The following MYO18B variants were observed in gnomAD, a reference collection of about 807,000 sequenced individuals.
The protein encoded by MYO18B is myosin XVIIIB.
MYO18B carries 204 observed loss-of-function variants against 273.0 expected under a neutral mutation model. The observed-to-expected ratio is 0.75, with a 90% CI of 0.67 to 0.84. MYO18B has a LOEUF of 0.84. MYO18B is among the 40% of genes least tolerant of loss of function. The pLI is 0.00. For missense variants in MYO18B, 3,212 were observed against 3,287.6 expected (o/e 0.98, Z 0.56); for synonymous variants, 1,330 against 1,305.7 (o/e 1.02, Z -0.40).
At chr22:25,956,304 C>T (rs2092850787) in intron 39 of MYO18B, among the ~76,000 whole-genome samples, 1 of 151,242 alleles carries the variant, frequency 6.6e-6, no homozygotes, top group African/African-American at 2.4e-5. Flanking sequence ...TAATCTCCAT[C>T]TCCCAGGTTC....
chr22:25,754,317 C>G (rs1468440525), intron 1 of MYO18B, among the ~76,000 whole-genome samples: 2 of 152,146 alleles, frequency 1.3e-5, no homozygotes, highest in East Asian at 3.8e-4. Context: ...AGGGCGTATC[C>G]TGGAGGTCAG....
Position 26,004,751 on chromosome 22 carries a change from G to C in MYO18B, c.6366G>C (p.Glu2122Asp). The C allele has an allele frequency of 6.2e-7, 1 of 1,613,864 alleles. No individual in the cohort carries two copies. The highest frequency in any genetic ancestry group is 8.5e-7 in the Non-Finnish European group (1 of 1,179,824). Reference protein sequence around the residue: ...DNVSILSSQPEGSLQSWLSCT... With the variant: ...DNVSILSSQPDGSLQSWLSCT... ...TCTCCATCCTCAGCTCCCAGCCAGA[G>C]GGCAGCCTGCAGTCCTGGTTGAGCT... Residue 2122 changes from glutamate (E) to aspartate (D), a missense_variant, in exon 42 of 44, where the codon GAG becomes GAC. Physicochemically the swap from Glu to Asp is conservative, Grantham distance 45 (BLOSUM62 2). Coordinates refer to ENST00000335473, the MANE Select transcript of MYO18B (RefSeq NM_032608.7).
chr22:25,975,896 G>A (rs2146760636), intron 39 of MYO18B, among the ~76,000 whole-genome samples: 1 of 152,170 alleles, frequency 6.6e-6, no homozygotes, highest in South Asian at 2.1e-4. Flanking sequence ...GAAAGGGTGA[G>A]GTTTACACTT....
Position 25,768,439 on chromosome 22 carries a change from G to A in MYO18B, c.523G>A (p.Ala175Thr), listed in dbSNP as rs923351011. 7.5e-6 allele frequency: 12 copies of A among 1,604,324 alleles called. No homozygotes were observed. The highest frequency in any genetic ancestry group is 1.0e-5 in the Non-Finnish European group (12 of 1,175,676). The part of the protein sequence containing the change: ...AKPEKTHPHD[A>T]PPCKTSPPAT... Reference sequence around the variant, plus strand: ...GCCAGAGAAGACTCATCCCCATGACGCCCCCCCTTGCAAGACCTCTCCCCC... The same window carrying A: ...GCCAGAGAAGACTCATCCCCATGACACCCCCCCTTGCAAGACCTCTCCCCC... The change falls in exon 4 of 44, where the codon GCC (alanine) becomes ACC (threonine). Residue 175 changes from alanine (A) to threonine (T), a missense_variant. By Grantham distance (58) the Ala-to-Thr change is moderately conservative. Coordinates refer to ENST00000335473, the MANE Select transcript of MYO18B (RefSeq NM_032608.7).
At chr22:25,815,368 C>T (rs1273107751) in intron 12 of MYO18B, among the ~76,000 whole-genome samples, 2 of 152,322 alleles carry the variant, frequency 1.3e-5, no homozygotes, top group East Asian at 1.9e-4. Flanking sequence ...GCAGGTGCCC[C>T]ATGTGACATC....
At chr22:25,764,113 C>T (rs2145559520) in intron 3 of MYO18B, among the ~76,000 whole-genome samples, 1 of 152,348 alleles carries the variant, frequency 6.6e-6, no homozygotes, top group East Asian at 1.9e-4. Flanking sequence ...GTAGGAACCT[C>T]AGTACCTTCC....
intron 12 of MYO18B, among the ~76,000 whole-genome samples, chr22:25,822,936 T>C (rs746613628): frequency 2.0e-5 from 3 of 152,206 alleles, no homozygotes; most frequent in African/African-American, 7.2e-5. Flanking sequence ...GTTGATGTTA[T>C]TATTATTACT....
At chr22:25,846,364 C>A in intron 19 of MYO18B, 81 bp downstream of exon 19, 1 of 1,492,584 alleles carries the variant, frequency 6.7e-7, no homozygotes. Context: ...CATGTGCCTA[C>A]ATCATCTCTA....
At chr22:25,841,785 T>A (rs2090088942) in intron 17 of MYO18B, among the ~76,000 whole-genome samples, 1 of 152,176 alleles carries the variant, frequency 6.6e-6, no homozygotes, top group South Asian at 2.1e-4. Flanking sequence ...TAACAATGAG[T>A]CAACCAGTCC....
At position 25,754,440 on chromosome 22, in the gene MYO18B, G is replaced by T. The variant is rs73398039; in HGVS notation, c.-109-6544G>T. ...TGAGACAGGTGCTATGTTACAACTG[G>T]ACATTGTGGGGTAGTGGGGGAAAGC... is the stretch of plus-strand genomic sequence containing the variant. On this transcript the variant is annotated intron_variant, in intron 1 of 43. Coordinates refer to ENST00000335473, the MANE Select transcript of MYO18B (RefSeq NM_032608.7). 4.2e-3 allele frequency among the ~76,000 whole-genome samples: 645 copies of T among 152,238 alleles called. 4 individuals are homozygous for T. The highest frequency in any genetic ancestry group is 0.015 in the African/African-American group (619 of 41,514).
the MYO18B span, among the ~76,000 whole-genome samples, chr22:26,045,423 A>G: frequency 6.6e-6 from 1 of 152,190 alleles, no homozygotes; most frequent in African/African-American, 2.4e-5. Context: ...TTAGACCTCA[A>G]TGTCCATCTG....
rs764465123 is a variant in MYO18B, at chr22:26,027,553, C to T, written c.7579C>T (p.Arg2527Ter). 3.1e-6 allele frequency: 5 copies of T among 1,613,882 alleles called. No individual in the cohort carries two copies. Among genetic ancestry groups the T allele is most frequent in the Middle Eastern group, 1.6e-4 (1 of 6,084 alleles). ...CAAAAGTGCTGACAGCATCAAAAGT[C>T]GACCAGGAATCCCACGACTTGCGGG... ...SFKSADSIKS[R>*]PGIPRLAGDG... The change falls in exon 43 of 44, where the codon CGA becomes TGA. Residue 2527 changes from arginine to a stop codon, truncating the protein, a stop_gained. Coordinates refer to ENST00000335473, the MANE Select transcript of MYO18B (RefSeq NM_032608.7). LOFTEE classifies it low-confidence loss of function (END_TRUNC). The surrounding 1 kb of genome is among the most constrained non-coding windows in gnomAD (Gnocchi z 4.1).
At chr22:25,827,855 A>G (rs117975754) in intron 14 of MYO18B, among the ~76,000 whole-genome samples, 4,756 of 152,328 alleles carry the variant, frequency 0.031, 138 homozygotes, top group East Asian at 0.12. Flanking sequence ...GAAATGCCGC[A>G]TGGATGATCA....
chr22:25,900,762 G>A (rs928798254), intron 29 of MYO18B: 1 of 152,448 alleles, frequency 6.6e-6, no homozygotes, highest in African/African-American at 2.4e-5. Flanking sequence ...TTGGCATCAA[G>A]TGGCCTGTTA....
In MYO18B at chr22:25,918,724, G is replaced by A. The variant is rs141361498; in HGVS notation, c.5365-2533G>A. On this transcript the variant is annotated intron_variant, in intron 33 of 43. Coordinates refer to ENST00000335473, the MANE Select transcript of MYO18B (RefSeq NM_032608.7). The stretch of plus-strand genomic sequence containing the variant: ...CAGGGAATGTCCCTGATGCTAACTC[G>A]CCCCACAGGAGAATTAAAGGCACTT... Among the ~76,000 whole-genome samples, 49 of 152,236 alleles carry A rather than the reference G, an allele frequency of 3.2e-4. 1 individual carries two copies. The East Asian group carries it at 9.3e-3, about 29-fold the overall frequency.
intron 22 of MYO18B, among the ~76,000 whole-genome samples, chr22:25,868,811 G>A (rs1398150627): frequency 6.6e-6 from 1 of 152,192 alleles, no homozygotes; most frequent in African/African-American, 2.4e-5. Context: ...AAAGAAAGAA[G>A]GGGCTTGAGA....
At position 26,030,854 on chromosome 22, in the gene MYO18B, C is replaced by G. The variant is rs745972329; in HGVS notation, c.*424C>G. ...GCTCACTTCCTCCAGGAAGTCTTTCCTGATATATCAAACTGAAACAAATGC... is the reference window on the plus strand; with the variant it reads ...GCTCACTTCCTCCAGGAAGTCTTTCGTGATATATCAAACTGAAACAAATGC... On this transcript the variant is annotated 3_prime_UTR_variant, in exon 44 of 44. Coordinates refer to ENST00000335473, the MANE Select transcript of MYO18B (RefSeq NM_032608.7). 2.3e-5 allele frequency: 9 copies of G among 398,416 alleles called. No homozygotes were observed. Among genetic ancestry groups the G allele is most frequent in the Non-Finnish European group, 4.0e-5 (9 of 226,044 alleles). The allele number at this position is 398,416 out of a possible 1,614,324, so 24.7% of individuals were successfully genotyped here.
intron 39 of MYO18B, among the ~76,000 whole-genome samples, chr22:25,977,597 C>G (rs1421137023): frequency 6.6e-6 from 1 of 152,032 alleles, no homozygotes; most frequent in Non-Finnish European, 1.5e-5. Flanking sequence ...AATAGTTTGG[C>G]TAGTAGAGTA....
At chr22:25,765,156 A>T (rs2086460828) in intron 3 of MYO18B, among the ~76,000 whole-genome samples, 1 of 152,158 alleles carries the variant, frequency 6.6e-6, no homozygotes, top group Non-Finnish European at 1.5e-5. Flanking sequence ...GGAGACTCAG[A>T]GCCAAGATGC....
Sources: gnomAD v4.1 joint callset for allele counts (sites outside exome capture counted in the v4.1 genomes callset) on GRCh38, gnomAD v4.1.1 for gene constraint, Gnocchi (gnomAD v3.1) non-coding constraint, MANE v1.5 for transcripts, NCBI Gene and HGNC (gene_info 2026-07-23, HGNC 2026-07-21) for gene names.